TRPC5: variants seen among roughly 807,000 people sequenced by gnomAD.
TRPC5 encodes transient receptor potential cation channel subfamily C member 5, also known as short transient receptor potential channel 5.
A neutral mutation model predicts 56.5 loss-of-function variants in TRPC5; 9 were observed. The observed-to-expected ratio is 0.16, with a 90% CI of 0.10 to 0.28. TRPC5 has a LOEUF of 0.28. Ranked by LOEUF, TRPC5 falls within the 10% of genes least tolerant of loss-of-function variation. TRPC5 has a pLI of 1.00. For missense variants in TRPC5, 469 were observed against 748.9 expected, an observed-to-expected ratio of 0.63 and a Z score of 4.36; for synonymous variants, 282 against 278.5, an observed-to-expected ratio of 1.01 and a Z score of -0.13.
chrX:111,949,984 C>CAT (rs745594172), intron 2 of TRPC5, among the ~76,000 whole-genome samples: 8,340 of 108,306 alleles, frequency 0.077, 307 homozygotes, highest in Non-Finnish European at 0.1. Flanking sequence ...GAAACTGTGG[C>CAT]ATATATATAT....
chrX:111,839,863 T>A (rs945513090), intron 6 of TRPC5, among the ~76,000 whole-genome samples: 1 of 108,685 alleles, frequency 9.2e-6, no homozygotes, highest in Non-Finnish European at 1.9e-5. Flanking sequence ...ACTATAGGCA[T>A]GCATCACCAC....
chrX:112,074,795 C>CTG (rs1930797267), intron 1 of TRPC5, among the ~76,000 whole-genome samples: 1 of 112,289 alleles, frequency 8.9e-6, no homozygotes, highest in African/African-American at 3.2e-5. Flanking sequence ...CCACCTGGTG[C>CTG]ACACTGAGCG....
chrX:111,873,838 C>T (rs769648323), intron 3 of TRPC5, among the ~76,000 whole-genome samples: 1 of 110,833 alleles, frequency 9.0e-6, no homozygotes, highest in South Asian at 3.9e-4. Context: ...AAAACTTGCT[C>T]AAAATGGCTT....
chrX:111,903,102 C>T (rs1483060568), intron 3 of TRPC5: 1 of 111,459 alleles, frequency 9.0e-6, no homozygotes, highest in Non-Finnish European at 1.9e-5. Context: ...TTTCCTGGGT[C>T]ACCTGAACAG....
At chrX:111,792,007 T>G (rs1231438150) in intron 7 of TRPC5, among the ~76,000 whole-genome samples, 1 of 112,285 alleles carries the variant, frequency 8.9e-6, no homozygotes, top group African/African-American at 3.2e-5. Flanking sequence ...CACATGCACA[T>G]GTATGTTTAC....
rs1448540332 is a variant in TRPC5, at chrX:111,941,997, T to C, written c.378+10046A>G. 2.7e-5 allele frequency among the ~76,000 whole-genome samples: 3 copies of C among 111,769 alleles called. No individual in the cohort carries two copies. The East Asian group carries it at 8.5e-4, about 32-fold the overall frequency. On this transcript the variant is annotated intron_variant, in intron 2 of 10. Transcript: ENST00000262839. ...CCCATGATGAGAAGCCCATGCTGTC[T>C]CTGAGCCAGTCTCAGCAAGAGAGAC...
intron 1 of TRPC5, among the ~76,000 whole-genome samples, chrX:112,040,819 C>T (rs926714774): frequency 1.8e-5 from 2 of 111,747 alleles, no homozygotes; most frequent in Non-Finnish European, 3.8e-5. Context: ...TGGGCTCCCA[C>T]AAGAATATAC....
intron 1 of TRPC5, among the ~76,000 whole-genome samples, chrX:111,986,272 G>A (rs1468994720): frequency 9.0e-6 from 1 of 110,565 alleles, no homozygotes; most frequent in African/African-American, 3.3e-5. Flanking sequence ...AGAATCTCTA[G>A]TTAGTGAGCC....
chrX:112,057,292 C>T (rs1382387960), intron 1 of TRPC5, among the ~76,000 whole-genome samples: 1 of 108,574 alleles, frequency 9.2e-6, no homozygotes, highest in Non-Finnish European at 1.9e-5. Flanking sequence ...AGATTTGTAA[C>T]CAATCAACTA....
intron 1 of TRPC5, among the ~76,000 whole-genome samples, chrX:112,062,199 A>T (rs952700533): frequency 8.0e-5 from 9 of 111,945 alleles, no homozygotes; most frequent in Middle Eastern, 4.2e-3. Flanking sequence ...GACTGGAAAT[A>T]TGCTGTTATA....
At chrX:111,815,595 C>T (rs2148567589) in intron 7 of TRPC5, among the ~76,000 whole-genome samples, 1 of 110,697 alleles carries the variant, frequency 9.0e-6, no homozygotes, top group African/African-American at 3.3e-5. Flanking sequence ...GTGGCACGCG[C>T]CTGTAATCGC....
At chrX:111,915,534 A>G (rs1351130751) in intron 2 of TRPC5, among the ~76,000 whole-genome samples, 1 of 111,769 alleles carries the variant, frequency 8.9e-6, no homozygotes, top group Non-Finnish European at 1.9e-5. Context: ...CTTCTTCAAT[A>G]GCTCCTCCTC....
chrX:112,012,006 T>C (rs1181666799), intron 1 of TRPC5, among the ~76,000 whole-genome samples: 1 of 112,598 alleles, frequency 8.9e-6, no homozygotes, highest in Non-Finnish European at 1.9e-5. Context: ...ATGAAAGTTA[T>C]GTAAATGTTC....
At chrX:112,075,298 C>T (rs951105635) in intron 1 of TRPC5, among the ~76,000 whole-genome samples, 1 of 111,974 alleles carries the variant, frequency 8.9e-6, no homozygotes, top group African/African-American at 3.2e-5. Context: ...GTGTTCCAAC[C>T]CTGCCTCCAC....
At chrX:111,809,149 G>A (rs773015840) in intron 7 of TRPC5, among the ~76,000 whole-genome samples, 45 of 110,961 alleles carry the variant, frequency 4.1e-4, no homozygotes, top group African/African-American at 1.5e-3. Flanking sequence ...TCCCTTGGCC[G>A]CCCCTGCTGG....
At chrX:111,845,144 A>G (rs936876202) in intron 6 of TRPC5, among the ~76,000 whole-genome samples, 7 of 111,157 alleles carry the variant, frequency 6.3e-5, no homozygotes, top group African/African-American at 2.3e-4. Context: ...AGGCTGAGGC[A>G]CAAGAATCGC....
chrX:112,008,822 T>C (rs905563462), intron 1 of TRPC5, among the ~76,000 whole-genome samples: 1 of 111,739 alleles, frequency 8.9e-6, no homozygotes, highest in Non-Finnish European at 1.9e-5. Flanking sequence ...AAATGTTTGA[T>C]AAATGAAAGA....
rs763095465 is a variant in TRPC5, at chrX:111,788,128, C to A, written c.1897-5990G>T. Reference sequence around the variant, plus strand: ...ACAACAAAAAAAGAGAATTTCAGACCAATATCCCTGATGAACATCAATGCG... The same window carrying A: ...ACAACAAAAAAAGAGAATTTCAGACAAATATCCCTGATGAACATCAATGCG... On this transcript the variant is annotated intron_variant, in intron 7 of 10. Coordinates refer to ENST00000262839, the MANE Select transcript of TRPC5 (RefSeq NM_012471.3). Among the ~76,000 whole-genome samples, 6 of 111,793 alleles carry A rather than the reference C, an allele frequency of 5.4e-5. No individual in the cohort carries two copies. The East Asian group carries it at 1.4e-3, about 26-fold the overall frequency.
At chrX:111,964,505 T>G (rs1927497850) in intron 1 of TRPC5, among the ~76,000 whole-genome samples, 2 of 111,190 alleles carry the variant, frequency 1.8e-5, no homozygotes, top group Non-Finnish European at 3.8e-5. Flanking sequence ...GAAGAGCAAC[T>G]CCAAGGCACA....
Sources: allele counts gnomAD v4.1 joint callset (sites outside exome capture counted in the v4.1 genomes callset), GRCh38; gene constraint gnomAD v4.1.1; transcripts MANE v1.5; gene names NCBI Gene and HGNC (gene_info 2026-07-23, HGNC 2026-07-21).